Variants in FAT3 observed in about 807,000 individuals in gnomAD.
FAT3 encodes the protein protocadherin Fat 3.
A neutral mutation model predicts 310.2 loss-of-function variants in FAT3; 95 were observed. That is an observed-to-expected ratio of 0.31 (90% CI 0.26 to 0.36). FAT3 has a LOEUF of 0.36. Among genes scored for constraint, FAT3 ranks in the 10% least tolerant of loss-of-function variants. The pLI is 1.00. For synonymous variants in FAT3, 2,314 were observed against 2,192.9 expected (o/e 1.06, Z -1.54); for missense variants, 5,408 against 5,715.6 (o/e 0.95, Z 1.74).
At chr11:92,791,108 T>G (rs1743374059) in intron 8 of FAT3, among the ~76,000 whole-genome samples, 2 of 152,192 alleles carry the variant, frequency 1.3e-5, no homozygotes, top group African/African-American at 4.8e-5. Context: ...AGAGGAAGCT[T>G]GAGTGTCATG....
At chr11:92,507,644 A>G (rs1213563490) in intron 2 of FAT3, among the ~76,000 whole-genome samples, 4 of 151,320 alleles carry the variant, frequency 2.6e-5, no homozygotes, top group Non-Finnish European at 1.5e-5. Context: ...GAGATGTGGA[A>G]TATATACATA....
chr11:92,708,980 T>C (rs1944441747), intron 4 of FAT3, among the ~76,000 whole-genome samples: 1 of 152,232 alleles, frequency 6.6e-6, no homozygotes, highest in Non-Finnish European at 1.5e-5. Context: ...AGTCTTTCCC[T>C]CTGGCTTTCT....
At position 92,892,077 on chromosome 11, in the gene FAT3, G is replaced by C. The variant is rs957837920; in HGVS notation, c.*964G>C. Reference sequence around the variant, plus strand: ...TAATCACAATTCTTCATAATGCAGAGGAAAGGTGTCTGTTATTCTAAATCG... The same window carrying C: ...TAATCACAATTCTTCATAATGCAGACGAAAGGTGTCTGTTATTCTAAATCG... On this transcript the variant is annotated 3_prime_UTR_variant, in exon 28 of 28. Coordinates refer to ENST00000525166, the MANE Select transcript of FAT3 (RefSeq NM_001367949.2). The C allele has an allele frequency of 6.6e-6, 1 of 152,154 alleles. No individual in the cohort carries two copies. The highest frequency in any genetic ancestry group is 1.5e-5 in the Non-Finnish European group (1 of 68,022). 9.4% of individuals were successfully genotyped at this position (152,154 alleles called of 1,614,324 possible). A position where few individuals can be genotyped will look rare whatever the true frequency, so the allele number is the denominator to read the frequency against.
At chr11:92,684,564 T>C (rs971288191) in intron 3 of FAT3, among the ~76,000 whole-genome samples, 49 of 152,188 alleles carry the variant, frequency 3.2e-4, no homozygotes, top group African/African-American at 4.8e-5. Flanking sequence ...AAGCAAATAC[T>C]GTAATTACAG....
chr11:92,835,307 A>G (rs952448036), intron 15 of FAT3, among the ~76,000 whole-genome samples: 6 of 152,212 alleles, frequency 3.9e-5, no homozygotes, highest in African/African-American at 1.4e-4. Flanking sequence ...GTGATTGATA[A>G]TCACTTATTT....
chr11:92,643,790 G>C (rs1299895833), intron 3 of FAT3, among the ~76,000 whole-genome samples: 3 of 152,304 alleles, frequency 2.0e-5, no homozygotes, highest in African/African-American at 7.2e-5. Context: ...AGCCACCTAA[G>C]CACTTTTGTT....
At chr11:92,604,869 C>T (rs987278802) in intron 3 of FAT3, among the ~76,000 whole-genome samples, 3 of 152,334 alleles carry the variant, frequency 2.0e-5, no homozygotes, top group African/African-American at 4.8e-5. Context: ...GTGGGCTCTG[C>T]TAGGCATTAG....
At chr11:92,849,790 G>C (rs1948773553) in intron 19 of FAT3, among the ~76,000 whole-genome samples, 1 of 152,166 alleles carries the variant, frequency 6.6e-6, no homozygotes, top group African/African-American at 2.4e-5. Context: ...ATTGAATACT[G>C]TTTTGCACCA....
chr11:92,387,062 TAGTG>T (rs1029884500), intron 2 of FAT3, among the ~76,000 whole-genome samples: 1 of 105,752 alleles, frequency 9.5e-6, no homozygotes, highest in Non-Finnish European at 1.8e-5. Context: ...TTATGGGAGC[TAGTG>T]TGTGTGTGTG....
intron 22 of FAT3, among the ~76,000 whole-genome samples, chr11:92,873,764 G>A (rs1949451636): frequency 6.6e-6 from 1 of 152,212 alleles, no homozygotes; most frequent in South Asian, 2.1e-4. Flanking sequence ...ATTGTAAACA[G>A]AAACACAGCT....
intron 1 of FAT3, among the ~76,000 whole-genome samples, chr11:92,311,255 T>C (rs1947297995): frequency 6.6e-6 from 1 of 152,156 alleles, no homozygotes; most frequent in African/African-American, 2.4e-5. Context: ...CCAACTGAGC[T>C]TTATTGAAAA....
chr11:92,702,381 A>G (rs1944124705), intron 4 of FAT3, among the ~76,000 whole-genome samples: 2 of 152,198 alleles, frequency 1.3e-5, no homozygotes, highest in Non-Finnish European at 2.9e-5. Context: ...CAGAGCATGG[A>G]TGTAGAGACA....
At chr11:92,843,271 A>T (rs1207761230) in intron 18 of FAT3, among the ~76,000 whole-genome samples, 1 of 152,152 alleles carries the variant, frequency 6.6e-6, no homozygotes, top group African/African-American at 2.4e-5. Context: ...AACCCAGCCC[A>T]TGGGAATCTG....
intron 3 of FAT3, among the ~76,000 whole-genome samples, chr11:92,561,664 C>T (rs893652935): frequency 3.3e-5 from 5 of 152,022 alleles, no homozygotes; most frequent in Admixed American, 6.6e-5. Flanking sequence ...CTCGCTCTGT[C>T]CCCCAGGCTG....
intron 3 of FAT3, among the ~76,000 whole-genome samples, chr11:92,695,703 CAG>C (rs1400983202): frequency 5.9e-5 from 9 of 152,266 alleles, no homozygotes; most frequent in East Asian, 1.9e-4. Flanking sequence ...AGGTAGGCAT[CAG>C]AGTTTCCGAA....
chr11:92,225,315 G>A (rs1863858180), intron 1 of FAT3, among the ~76,000 whole-genome samples, 141 bp downstream of exon 1: 1 of 152,158 alleles, frequency 6.6e-6, no homozygotes, highest in African/African-American at 2.4e-5. Context: ...AGCGCGTGGG[G>A]GAAACTTTTC....
At chr11:92,448,555 A>G (rs1330384588) in intron 2 of FAT3, among the ~76,000 whole-genome samples, 3 of 152,240 alleles carry the variant, frequency 2.0e-5, no homozygotes, top group Non-Finnish European at 4.4e-5. Flanking sequence ...ATTTGCAGGC[A>G]GAGAACGAAA....
chr11:92,584,771 G>A (rs761971673), intron 3 of FAT3, among the ~76,000 whole-genome samples: 7 of 151,926 alleles, frequency 4.6e-5, no homozygotes, highest in Non-Finnish European at 7.4e-5. Flanking sequence ...ATTAGAATAT[G>A]TCTTCAGGGG....
At chr11:92,832,694 T>G (rs1948297823) in intron 14 of FAT3, among the ~76,000 whole-genome samples, 1 of 152,162 alleles carries the variant, frequency 6.6e-6, no homozygotes, top group Non-Finnish European at 1.5e-5. Flanking sequence ...TCTTTTCTGT[T>G]TGATGTTGTT....
Sources: allele counts gnomAD v4.1 joint callset (sites outside exome capture counted in the v4.1 genomes callset), GRCh38; gene constraint gnomAD v4.1.1; transcripts MANE v1.5; gene names NCBI Gene and HGNC (gene_info 2026-07-23, HGNC 2026-07-21).